The following FGF14 variants were observed in gnomAD, a reference collection of about 807,000 sequenced individuals.
The protein encoded by FGF14 is fibroblast growth factor homologous factor 4.
Under a neutral mutation model 25.5 loss-of-function variants are expected in FGF14, and 5 were observed. That is an observed-to-expected ratio of 0.20 (90% CI 0.10 to 0.41). The LOEUF (loss-of-function observed/expected upper bound fraction) is 0.41. Among genes scored for constraint, FGF14 ranks in the 10% least tolerant of loss-of-function variants. The pLI, the probability that FGF14 is intolerant of heterozygous loss-of-function variation, is 1.00. For missense variants in FGF14, 222 were observed against 320.1 expected, an observed-to-expected ratio of 0.69 and a Z score of 2.34; for synonymous variants, 138 against 118.3, an observed-to-expected ratio of 1.17 and a Z score of -1.08.
chr13:102,115,218 G>T (rs1389011320), intron 1 of FGF14, among the ~76,000 whole-genome samples: 1 of 152,104 alleles, frequency 6.6e-6, no homozygotes, highest in Non-Finnish European at 1.5e-5. Flanking sequence ...AACAGGTTTT[G>T]TCACAGAGGT....
At chr13:102,297,794 G>C (rs563773417) in intron 1 of FGF14, among the ~76,000 whole-genome samples, 1 of 151,874 alleles carries the variant, frequency 6.6e-6, no homozygotes, top group Admixed American at 6.6e-5. Flanking sequence ...TACTTGGGAA[G>C]CTGAGGTGGG....
At chr13:101,898,460 A>T (rs1468849978) in intron 1 of FGF14, among the ~76,000 whole-genome samples, 1 of 152,018 alleles carries the variant, frequency 6.6e-6, no homozygotes, top group Non-Finnish European at 1.5e-5. Flanking sequence ...GGATTTACTC[A>T]GTGGGTAATG....
intron 1 of FGF14, among the ~76,000 whole-genome samples, chr13:102,312,790 T>C (rs530910440): frequency 5.9e-5 from 9 of 152,180 alleles, no homozygotes; most frequent in Non-Finnish European, 1.2e-4. Flanking sequence ...TGCTGATTGT[T>C]TTCTGCTATC....
At chr13:102,375,576 C>G (rs1003344193) in intron 1 of FGF14, among the ~76,000 whole-genome samples, 1 of 151,974 alleles carries the variant, frequency 6.6e-6, no homozygotes, top group Non-Finnish European at 1.5e-5. Context: ...AATAAATACT[C>G]GAAATTCAAT....
intron 3 of FGF14, among the ~76,000 whole-genome samples, chr13:101,832,689 T>C (rs2042733609): frequency 6.6e-6 from 1 of 151,996 alleles, no homozygotes; most frequent in African/African-American, 2.4e-5. Context: ...CCCGCTTTCA[T>C]GTACCCTGGC....
rs892275571 is a variant in FGF14, at chr13:102,176,862, T to G, written c.208+224609A>C. ...TAAATTGTAAACATTAAACGTGTGGTTTTTTTGTATGTCAATTACACTTTA... is the reference window on the plus strand; with the variant it reads ...TAAATTGTAAACATTAAACGTGTGGGTTTTTTGTATGTCAATTACACTTTA... On this transcript the variant is annotated intron_variant, in intron 1 of 4. Transcript: ENST00000376131. 2.1e-4 allele frequency among the ~76,000 whole-genome samples: 8 copies of G among 37,436 alleles called. 1 individual carries two copies. The Admixed American group carries it at 2.2e-3, about 10-fold the overall frequency. 24.6% of individuals were successfully genotyped at this position (37,436 alleles called of 152,430 possible).
At position 101,871,103 on chromosome 13, in the gene FGF14, G is replaced by A. The variant is rs186245799; in HGVS notation, c.305-2275C>T. ...ATTCAGAGCTGGCCATGATGGAACC[G>A]GTACTAGTTAAAAACACAGATACCC... On this transcript the variant is annotated intron_variant, in intron 2 of 4. Transcript: ENST00000376143. Among the ~76,000 whole-genome samples, 12 of 152,118 alleles carry A rather than the reference G, an allele frequency of 7.9e-5. No homozygotes were observed. The East Asian group carries it at 1.4e-3, about 17-fold the overall frequency.
intron 1 of FGF14, among the ~76,000 whole-genome samples, chr13:101,908,730 G>C (rs2032552356): frequency 6.6e-6 from 1 of 152,038 alleles, no homozygotes; most frequent in Non-Finnish European, 1.5e-5. Flanking sequence ...CACAGAATTG[G>C]AAAAAACTAC....
intron 1 of FGF14, among the ~76,000 whole-genome samples, chr13:102,046,728 T>C (rs2042000955): frequency 6.6e-6 from 1 of 152,180 alleles, no homozygotes; most frequent in South Asian, 2.1e-4. Flanking sequence ...TGTTGAAAAG[T>C]ACAGGTGGAT....
intron 3 of FGF14, among the ~76,000 whole-genome samples, chr13:101,818,551 A>G (rs1044283459): frequency 3.9e-5 from 6 of 152,238 alleles, no homozygotes; most frequent in Non-Finnish European, 7.3e-5. Context: ...ACCATAACAT[A>G]AATTAGAAAT....
chr13:102,382,803 A>T lies in FGF14; in HGVS notation c.208+18668T>A, dbSNP rs569182100. The stretch of plus-strand genomic sequence containing the variant: ...CTATACAATAATGAAACAAAATGAA[A>T]TATAGATTCATGCTTGAATCTTGAA... On this transcript the variant is annotated intron_variant, in intron 1 of 4. Transcript: ENST00000376131. 2.0e-5 allele frequency among the ~76,000 whole-genome samples: 3 copies of T among 152,286 alleles called. No individual in the cohort carries two copies. The South Asian group carries it at 6.2e-4, about 32-fold the overall frequency.
At chr13:101,798,090 T>C (rs576406760) in intron 3 of FGF14, among the ~76,000 whole-genome samples, 4 of 152,262 alleles carry the variant, frequency 2.6e-5, no homozygotes, top group South Asian at 4.1e-4. Context: ...TAAATGACTC[T>C]GTTTTTTTGT....
rs564216268 is a variant in FGF14 at position 102,328,273 on chromosome 13, T to A, written c.208+73198A>T. 2.1e-4 allele frequency among the ~76,000 whole-genome samples: 32 copies of A among 152,348 alleles called. No homozygotes were observed. The South Asian group carries it at 6.6e-3, about 32-fold the overall frequency. On this transcript the variant is annotated intron_variant, in intron 1 of 4. Transcript: ENST00000376131. ...TATTTAATCGCTTATTTATCAAAAA[T>A]TTTGACCATTAACTATGTATAAACC...
At chr13:101,731,624 C>T (rs538993352) in intron 3 of FGF14, among the ~76,000 whole-genome samples, 5 of 152,142 alleles carry the variant, frequency 3.3e-5, no homozygotes, top group Non-Finnish European at 5.9e-5. Context: ...CCGTGATGGG[C>T]CATTTGCTTG....
chr13:101,822,983 T>C (rs947534230), intron 3 of FGF14, among the ~76,000 whole-genome samples: 1 of 152,168 alleles, frequency 6.6e-6, no homozygotes, highest in Non-Finnish European at 1.5e-5. Flanking sequence ...CATATGATAT[T>C]TGGGTTTCTG....
chr13:101,984,683 T>C lies in FGF14; in HGVS notation c.209-109387A>G, dbSNP rs544611572. Among the ~76,000 whole-genome samples the C allele has an allele frequency of 2.0e-5, 3 of 152,216 alleles. No homozygotes were observed. The East Asian group carries it at 5.8e-4, about 29-fold the overall frequency. Reference sequence around the variant, plus strand: ...AATGTGGTACTGTCCTAGGTAGGAGTAGCCTATTTAGGAGGCAGGTAGGAT... The same window carrying C: ...AATGTGGTACTGTCCTAGGTAGGAGCAGCCTATTTAGGAGGCAGGTAGGAT... On this transcript the variant is annotated intron_variant, in intron 1 of 4. Transcript: ENST00000376131.
intron 1 of FGF14, among the ~76,000 whole-genome samples, chr13:101,999,895 T>A (rs910032541): frequency 1.3e-5 from 2 of 152,152 alleles, no homozygotes; most frequent in Non-Finnish European, 2.9e-5. Flanking sequence ...CAAAGGGGGT[T>A]TCTCCATAGG....
chr13:101,994,328 C>CTGA (rs2039067188), intron 1 of FGF14, among the ~76,000 whole-genome samples: 2 of 151,744 alleles, frequency 1.3e-5, no homozygotes, highest in African/African-American at 2.4e-5. Context: ...TCAGTATATA[C>CTGA]CTATTTTATT....
At chr13:101,799,287 T>C (rs1016925176) in intron 3 of FGF14, among the ~76,000 whole-genome samples, 1 of 152,082 alleles carries the variant, frequency 6.6e-6, no homozygotes, top group Non-Finnish European at 1.5e-5. Context: ...TGAAGTTTCA[T>C]AGGATATATG....
Sources: gnomAD v4.1 joint callset for allele counts (sites outside exome capture counted in the v4.1 genomes callset) on GRCh38, gnomAD v4.1.1 for gene constraint, MANE v1.5 for transcripts, NCBI Gene and HGNC (gene_info 2026-07-23, HGNC 2026-07-21) for gene names.